Variants in CCT2 observed in about 807,000 individuals in gnomAD.
The protein encoded by CCT2 is chaperonin containing TCP1 subunit 2.
CCT2 carries 18 observed loss-of-function variants against 61.8 expected under a neutral mutation model. That is an observed-to-expected ratio of 0.29 (90% CI 0.20 to 0.43). CCT2 has a LOEUF of 0.43. Among genes scored for constraint, CCT2 ranks in the 20% least tolerant of loss-of-function variants. The pLI, the probability that CCT2 is intolerant of heterozygous loss-of-function variation, is 1.00. For synonymous variants in CCT2, 248 were observed against 215.9 expected (o/e 1.15, Z -1.30); for missense variants, 556 against 656.9 (o/e 0.85, Z 1.68).
intron 1 of CCT2, 109 bp from the exon 2 acceptor site, chr12:69,586,161 A>C (rs1881647500): frequency 1.0e-5 from 12 of 1,154,914 alleles, no homozygotes; most frequent in Admixed American, 2.0e-5. Flanking sequence ...ACATTGTTGT[A>C]AATGAGTTTT....
chr12:69,590,694 T>C (rs1471515580), intron 7 of CCT2, among the ~76,000 whole-genome samples: 9 of 151,602 alleles, frequency 5.9e-5, no homozygotes, highest in Non-Finnish European at 1.2e-4. Flanking sequence ...TGATTAAGTT[T>C]ATATACAAGA....
intron 13 of CCT2, 51 bp from the exon 14 acceptor site, chr12:69,598,271 A>G (rs1882048789): frequency 2.3e-6 from 3 of 1,305,316 alleles, no homozygotes. Flanking sequence ...GGAGTAAATC[A>G]GTGGTTCTTA....
chr12:69,587,699 G>T, intron 4 of CCT2, 83 bp downstream of exon 4: 2 of 890,136 alleles, frequency 2.2e-6, no homozygotes, highest in South Asian at 3.0e-5. Flanking sequence ...AGGCTGTGTT[G>T]ACCAATCGTA....
chr12:69,585,641 G>A (rs1007369629), intron 1 of CCT2, 117 bp downstream of exon 1: 2 of 1,542,522 alleles, frequency 1.3e-6, no homozygotes, highest in Non-Finnish European at 1.8e-6. Context: ...CCGGCCCTCC[G>A]CACATGGTGC....
In CCT2 at chr12:69,599,958, G is replaced by A. The variant is rs772432945; in HGVS notation, c.1531G>A (p.Ala511Thr). 6.2e-7 allele frequency: 1 copy of A among 1,613,790 alleles called. No individual in the cohort carries two copies. Among genetic ancestry groups the A allele is most frequent in the Non-Finnish European group, 8.5e-7 (1 of 1,179,788 alleles). Residue 511 changes from alanine (A) to threonine (T), a missense_variant, in exon 15 of 16, where the codon GCA (alanine) becomes ACA (threonine). Ala to Thr is a moderately conservative substitution (Grantham distance 58). Transcript: ENST00000299300. The stretch of plus-strand genomic sequence containing the variant: ...GGTTCTTCTGAGTGCAGCTGAAGCA[G>A]CAGAGGTGATTCTGCGTGTGGACAA... Reference protein sequence around the residue: ...RQVLLSAAEAAEVILRVDNII... With the variant: ...RQVLLSAAEATEVILRVDNII...
At chr12:69,593,480 G>A (rs1013009944) in intron 9 of CCT2, 30 bp from the exon 10 acceptor site, 2 of 1,372,518 alleles carry the variant, frequency 1.5e-6, no homozygotes, top group Non-Finnish European at 2.1e-6. Context: ...ACAGTTGTGA[G>A]CATAATGTTT....
At chr12:69,594,728 T>C (rs1176076219) in intron 10 of CCT2, among the ~76,000 whole-genome samples, 1 of 152,002 alleles carries the variant, frequency 6.6e-6, no homozygotes, top group East Asian at 1.9e-4. Context: ...ATGCCTGTAG[T>C]CCTAGCTACT....
intron 7 of CCT2, among the ~76,000 whole-genome samples, 173 bp from the exon 8 acceptor site, chr12:69,591,886 A>C (rs1450817591): frequency 2.0e-5 from 3 of 152,190 alleles, no homozygotes; most frequent in Admixed American, 6.5e-5. Flanking sequence ...GCAAAACAAC[A>C]ACAGAATAAG....
At chr12:69,585,709 G>T in intron 1 of CCT2, 185 bp downstream of exon 1, 1 of 1,481,098 alleles carries the variant, frequency 6.8e-7, no homozygotes, top group Non-Finnish European at 9.0e-7. Context: ...TCACCACGAG[G>T]GGGAGGGGTG....
chr12:69,593,743 T>C lies in CCT2; in HGVS notation c.982+130T>C, dbSNP rs150460486. The C allele has an allele frequency of 1.3e-3, 750 of 574,042 alleles. 6 individuals are homozygous for C. Among genetic ancestry groups the C allele is most frequent in the African/African-American group, 0.013 (675 of 53,284 alleles). The allele number at this position is 574,042 out of a possible 1,614,324, so 35.6% of individuals were successfully genotyped here. On this transcript the variant is annotated intron_variant, in intron 10 of 15. Coordinates refer to ENST00000299300, the MANE Select transcript of CCT2 (RefSeq NM_006431.3). The stretch of plus-strand genomic sequence containing the variant: ...TTATTCTGAAATCTATTCTCTTGGA[T>C]ACCTTTAATTTAGATACATAGATAC...
intron 7 of CCT2, among the ~76,000 whole-genome samples, chr12:69,590,690 A>G (rs1444330558): frequency 6.7e-6 from 1 of 149,950 alleles, no homozygotes; most frequent in East Asian, 2.0e-4. Flanking sequence ...CTCTTGATTA[A>G]GTTTATATAC....
chr12:69,598,124 T>C, intron 13 of CCT2, 53 bp downstream of exon 13: 1 of 1,339,254 alleles, frequency 7.5e-7, no homozygotes. Flanking sequence ...TTATTGATAG[T>C]TTTAAAATGA....
Position 69,586,797 on chromosome 12 carries a change from C to T in CCT2, c.123C>T (p.Ser41=), listed in dbSNP as rs1243418105. Residue 41 remains serine, a synonymous_variant, in exon 3 of 16, where the codon AGC becomes AGT. Transcript: ENST00000299300. ...TCGCCATTGGAGACTTGGTAAAGAG[C>T]ACCTTGGGACCCAAAGGCATGGTAA... is the stretch of plus-strand genomic sequence containing the variant. The part of the protein sequence containing the change: ...GAIAIGDLVK[S]TLGPKGMDKI... The T allele has an allele frequency of 1.3e-6, 2 of 1,596,064 alleles. No individual in the cohort carries two copies. Among genetic ancestry groups the T allele is most frequent in the African/African-American group, 1.4e-5 (1 of 73,642 alleles).
rs1881628105 is a variant in CCT2, at chr12:69,585,725, C to T, written c.3+201C>T. 5 of 1,461,032 alleles carry T rather than the reference C, an allele frequency of 3.4e-6. No individual in the cohort carries two copies. The East Asian group carries it at 1.2e-4, about 36-fold the overall frequency. The allele number at this position is 1,461,032 out of a possible 1,614,324, so 90.5% of individuals were successfully genotyped here. A position where few individuals can be genotyped will look rare whatever the true frequency, so the allele number is the denominator to read the frequency against. ...CACCACGAGGGGGAGGGGTGGACCG[C>T]AAAGCCAGCGTCTCCTTGTGCCTAG... On this transcript the variant is annotated intron_variant, in intron 1 of 15. Coordinates refer to ENST00000299300, the MANE Select transcript of CCT2 (RefSeq NM_006431.3).
At chr12:69,594,576 G>A (rs1288726261) in intron 10 of CCT2, among the ~76,000 whole-genome samples, 2 of 152,126 alleles carry the variant, frequency 1.3e-5, no homozygotes, top group African/African-American at 4.8e-5. Flanking sequence ...ATGAGTTCAG[G>A]CTGGTTGCGG....
At chr12:69,597,424 C>A (rs1882023047) in intron 11 of CCT2, 149 bp downstream of exon 11, 1 of 1,146,772 alleles carries the variant, frequency 8.7e-7, no homozygotes, top group African/African-American at 1.5e-5. Context: ...TCTCTTGAGT[C>A]AACCTCATAT....
chr12:69,588,512 G>T (rs569882220), intron 6 of CCT2: 30 of 317,754 alleles, frequency 9.4e-5, no homozygotes, highest in African/African-American at 6.2e-4. Context: ...TAGAGAATTT[G>T]TTAGCCTCTT....
At chr12:69,593,127 G>A in intron 9 of CCT2, 24 bp downstream of exon 9, 1 of 1,589,660 alleles carries the variant, frequency 6.3e-7, no homozygotes, top group East Asian at 2.3e-5. Flanking sequence ...TTTAAGAAAG[G>A]ATTTTTTTCC....
intron 6 of CCT2, 114 bp from the exon 7 acceptor site, chr12:69,589,371 A>G: frequency 1.4e-6 from 1 of 697,706 alleles, no homozygotes; most frequent in East Asian, 2.7e-5. Context: ...AATTCTTTTC[A>G]TATAGCTTAC....
Sources: gnomAD v4.1 joint callset for allele counts (sites outside exome capture counted in the v4.1 genomes callset) on GRCh38, gnomAD v4.1.1 for gene constraint, MANE v1.5 for transcripts, NCBI Gene and HGNC (gene_info 2026-07-23, HGNC 2026-07-21) for gene names.